Variants in LEF1 observed in about 807,000 individuals in gnomAD.
LEF1 encodes the protein lymphoid enhancer-binding factor 1.
Under a neutral mutation model 51.2 loss-of-function variants are expected in LEF1, and 14 were observed. The observed-to-expected ratio is 0.27, with a 90% CI of 0.18 to 0.43. The LOEUF is 0.43. Ranked by LOEUF, LEF1 falls within the 20% of genes least tolerant of loss-of-function variation. The pLI, the probability that LEF1 is intolerant of heterozygous loss-of-function variation, is 1.00. For synonymous variants in LEF1, 185 were observed against 183.2 expected, an observed-to-expected ratio of 1.01 and a Z score of -0.08; for missense variants, 386 against 512.0, an observed-to-expected ratio of 0.75 and a Z score of 2.37.
chr4:108,068,354 G>C (rs961012204), intron 9 of LEF1, among the ~76,000 whole-genome samples: 1 of 152,184 alleles, frequency 6.6e-6, no homozygotes, highest in Non-Finnish European at 1.5e-5. Context: ...AAACCACGTA[G>C]ATTTTGAAGT....
chr4:108,059,459 G>GGT (rs1408606875), intron 11 of LEF1, among the ~76,000 whole-genome samples: 1 of 152,070 alleles, frequency 6.6e-6, no homozygotes, highest in Non-Finnish European at 1.5e-5. Flanking sequence ...TGGGACTACA[G>GGT]GTGTGTGTCA....
At chr4:108,065,706 T>C (rs1738033608) in intron 9 of LEF1, among the ~76,000 whole-genome samples, 2 of 152,184 alleles carry the variant, frequency 1.3e-5, no homozygotes, top group African/African-American at 4.8e-5. Flanking sequence ...GGTACAATCT[T>C]ATAGCCTTTA....
chr4:108,079,874 T>A (rs538182411), intron 6 of LEF1, among the ~76,000 whole-genome samples: 1 of 152,300 alleles, frequency 6.6e-6, no homozygotes, highest in East Asian at 1.9e-4. Context: ...ATTGGAAATA[T>A]AACACTTTAT....
At chr4:108,078,107 C>A in intron 8 of LEF1, 113 bp downstream of exon 8, 1 of 947,092 alleles carries the variant, frequency 1.1e-6, no homozygotes, top group East Asian at 2.4e-5. Flanking sequence ...CATATCATAT[C>A]TTGAAGTGCA....
chr4:108,165,625 C>T lies in LEF1; in HGVS notation c.214-462G>A, dbSNP rs547342779. 6.0e-4 allele frequency among the ~76,000 whole-genome samples: 92 copies of T among 152,266 alleles called. 3 individuals are homozygous for T. In the South Asian group the frequency reaches 0.018, roughly 30 times the overall value. ...AAAATGGCATTTAAACATAAACAAG[C>T]CAACCACTCAGATGCGGTCTTAAGG... On this transcript the variant is annotated intron_variant, in intron 1 of 11. Coordinates refer to ENST00000265165, the MANE Select transcript of LEF1 (RefSeq NM_016269.5).
intron 8 of LEF1, among the ~76,000 whole-genome samples, chr4:108,074,938 A>G (rs866812002): frequency 1.4e-5 from 2 of 144,076 alleles, no homozygotes; most frequent in Non-Finnish European, 3.2e-5. Context: ...CTTAACTCAA[A>G]AAAGAAAAAA....
intron 3 of LEF1, among the ~76,000 whole-genome samples, chr4:108,102,323 G>T (rs1454516114): frequency 5.3e-5 from 8 of 152,080 alleles, no homozygotes; most frequent in Non-Finnish European, 1.2e-4. Context: ...TTCTTCCAGC[G>T]TAGGGACCTG....
intron 11 of LEF1, among the ~76,000 whole-genome samples, chr4:108,051,596 C>T (rs920630035): frequency 2.6e-5 from 4 of 152,158 alleles, no homozygotes; most frequent in Non-Finnish European, 4.4e-5. Flanking sequence ...TACTGCTCTC[C>T]GGCTGCGGCT....
intron 3 of LEF1, among the ~76,000 whole-genome samples, chr4:108,134,409 G>C (rs542084814): frequency 2.0e-5 from 3 of 152,292 alleles, no homozygotes; most frequent in Non-Finnish European, 4.4e-5. Context: ...AAGAGGGCTA[G>C]AATAGGGCTC....
intron 11 of LEF1, among the ~76,000 whole-genome samples, chr4:108,060,623 T>A (rs1458868381): frequency 6.6e-6 from 1 of 152,160 alleles, no homozygotes; most frequent in Non-Finnish European, 1.5e-5. Flanking sequence ...CATTTTTCTG[T>A]AATAACGGTG....
At chr4:108,087,332 C>CA (rs1739716429) in intron 4 of LEF1, among the ~76,000 whole-genome samples, 1 of 151,858 alleles carries the variant, frequency 6.6e-6, no homozygotes, top group South Asian at 2.1e-4. Flanking sequence ...AAAATCACAT[C>CA]AATCTTTAGA....
chr4:108,078,142 T>G, intron 8 of LEF1, 78 bp downstream of exon 8: 3 of 1,317,362 alleles, frequency 2.3e-6, no homozygotes, highest in South Asian at 2.6e-5. Flanking sequence ...CCACCTGATA[T>G]GGGATTAAAT....
intron 3 of LEF1, among the ~76,000 whole-genome samples, chr4:108,143,882 A>G (rs1384792345): frequency 6.6e-6 from 1 of 152,180 alleles, no homozygotes; most frequent in African/African-American, 2.4e-5. Flanking sequence ...AAAAATTGCC[A>G]TCATTGAGAA....
At chr4:108,134,254 G>A (rs1334653243) in intron 3 of LEF1, among the ~76,000 whole-genome samples, 1 of 151,574 alleles carries the variant, frequency 6.6e-6, no homozygotes, top group African/African-American at 2.4e-5. Context: ...TGTCCTCAGT[G>A]AATACACAAG....
chr4:108,099,160 A>G (rs1740582745), intron 3 of LEF1, among the ~76,000 whole-genome samples: 1 of 152,168 alleles, frequency 6.6e-6, no homozygotes, highest in South Asian at 2.1e-4. Context: ...TGTTCAATAA[A>G]TTTATTACTA....
At chr4:108,136,011 A>C (rs891873756) in intron 3 of LEF1, among the ~76,000 whole-genome samples, 1 of 152,238 alleles carries the variant, frequency 6.6e-6, no homozygotes, top group African/African-American at 2.4e-5. Flanking sequence ...GAATGAGCAA[A>C]AACTGGTCTC....
chr4:108,132,975 CT>C (rs1560813697), intron 3 of LEF1, among the ~76,000 whole-genome samples: 1 of 151,042 alleles, frequency 6.6e-6, no homozygotes, highest in Non-Finnish European at 1.5e-5. Flanking sequence ...ATCTGCATTT[CT>C]TTTTTTTCTT....
At chr4:108,149,648 CAT>C (rs1378769521) in intron 3 of LEF1, among the ~76,000 whole-genome samples, 4 of 147,508 alleles carry the variant, frequency 2.7e-5, no homozygotes, top group African/African-American at 5.0e-5. Flanking sequence ...CATATATGTA[CAT>C]GTGTATATAT....
At chr4:108,108,780 A>C (rs2110309420) in intron 3 of LEF1, among the ~76,000 whole-genome samples, 1 of 152,340 alleles carries the variant, frequency 6.6e-6, no homozygotes, top group African/African-American at 2.4e-5. Flanking sequence ...TAAAAAATAA[A>C]CAGAAAACAA....
Sources: allele counts gnomAD v4.1 joint callset (sites outside exome capture counted in the v4.1 genomes callset), GRCh38; gene constraint gnomAD v4.1.1; transcripts MANE v1.5; gene names NCBI Gene and HGNC (gene_info 2026-07-23, HGNC 2026-07-21).